The following JMJD1C variants were observed in gnomAD, a reference collection of about 807,000 sequenced individuals.
JMJD1C encodes jumonji domain-containing protein 1C.
A neutral mutation model predicts 245.3 loss-of-function variants in JMJD1C; 31 were observed. The ratio of observed to expected loss-of-function variants is 0.13; its 90% CI spans 0.09 to 0.17. JMJD1C has a LOEUF of 0.17. Ranked by LOEUF, JMJD1C falls within the 10% of genes least tolerant of loss-of-function variation. The pLI is 1.00. For missense variants in JMJD1C, 2,691 were observed against 3,000.2 expected, an observed-to-expected ratio of 0.90 and a Z score of 2.41; for synonymous variants, 1,057 against 1,017.4, an observed-to-expected ratio of 1.04 and a Z score of -0.74.
At chr10:63,337,377 C>G (rs1454444932) in intron 2 of JMJD1C, among the ~76,000 whole-genome samples, 1 of 137,480 alleles carries the variant, frequency 7.3e-6, no homozygotes, top group Non-Finnish European at 1.5e-5. Context: ...GGGAGGCAAA[C>G]CTTGCAGTGA....
intron 12 of JMJD1C, among the ~76,000 whole-genome samples, chr10:63,198,030 ACTATGTTAGG>A (rs1845640769): frequency 6.6e-6 from 1 of 152,270 alleles, no homozygotes. Context: ...TAGAGCATCT[ACTATGTTAGG>A]AACTATTAAG....
At chr10:63,204,263 G>A (rs1167529297) in intron 10 of JMJD1C, 3 of 985,192 alleles carry the variant, frequency 3.0e-6, no homozygotes, top group African/African-American at 1.7e-5. Context: ...TCATAAAACA[G>A]CCTCTCTAAA....
chr10:63,243,466 C>T (rs1008167086), intron 3 of JMJD1C, among the ~76,000 whole-genome samples: 4 of 152,166 alleles, frequency 2.6e-5, no homozygotes, highest in South Asian at 2.1e-4. Context: ...GCGGAAGTTG[C>T]GCTGAGCCGA....
At chr10:63,229,228 T>G (rs558949049) in intron 3 of JMJD1C, among the ~76,000 whole-genome samples, 1 of 152,144 alleles carries the variant, frequency 6.6e-6, no homozygotes, top group Non-Finnish European at 1.5e-5. Flanking sequence ...GGTAATTAAG[T>G]CTCCGTATAC....
chr10:63,255,146 C>T (rs1589297738), intron 3 of JMJD1C, among the ~76,000 whole-genome samples: 1 of 152,176 alleles, frequency 6.6e-6, no homozygotes, highest in African/African-American at 2.4e-5. Context: ...ATACCCAACA[C>T]AGGTTCTTTT....
At chr10:63,416,474 T>TA (rs1054015570) in intron 1 of JMJD1C, among the ~76,000 whole-genome samples, 47 of 152,132 alleles carry the variant, frequency 3.1e-4, no homozygotes, top group African/African-American at 1.1e-3. Context: ...TGTGATATTA[T>TA]AAAAAAATAA....
At chr10:63,453,037 G>A (rs982541267) in intron 1 of JMJD1C, among the ~76,000 whole-genome samples, 3 of 152,194 alleles carry the variant, frequency 2.0e-5, no homozygotes, top group African/African-American at 7.2e-5. Flanking sequence ...CACTTTGGGA[G>A]GCTGAGGCAG....
At chr10:63,172,817 CT>C (rs1842498164) in intron 24 of JMJD1C, among the ~76,000 whole-genome samples, 1 of 149,188 alleles carries the variant, frequency 6.7e-6, no homozygotes, top group Non-Finnish European at 1.5e-5. Flanking sequence ...CACAAAAACC[CT>C]GGGGGAGGGG....
At chr10:63,521,648 A>G in intron 1 of JMJD1C, 2 of 1,191,382 alleles carry the variant, frequency 1.7e-6, no homozygotes, top group Non-Finnish European at 2.2e-6. Context: ...GAAGGAGCCG[A>G]GAGGAAAGGG....
chr10:63,168,617 A>G, intron 24 of JMJD1C, 51 bp from the exon 25 acceptor site: 5 of 1,488,744 alleles, frequency 3.4e-6, no homozygotes, highest in Non-Finnish European at 4.5e-6. Flanking sequence ...GGTGGAGCAA[A>G]GAAAAGCCAA....
intron 1 of JMJD1C, among the ~76,000 whole-genome samples, chr10:63,447,075 G>GA (rs11397244): frequency 0.95 from 138,163 of 145,456 alleles, 65,819 homozygotes; most frequent in South Asian, 1. Context: ...TTATAACCAG[G>GA]AAAAAAAAAA....
chr10:63,382,394 G>A (rs904269986), intron 1 of JMJD1C, among the ~76,000 whole-genome samples: 11 of 152,008 alleles, frequency 7.2e-5, no homozygotes, highest in Non-Finnish European at 1.3e-4. Flanking sequence ...GTACAAAGAT[G>A]GCTCAACATA....
At chr10:63,252,058 T>A (rs1044181630) in intron 3 of JMJD1C, among the ~76,000 whole-genome samples, 1 of 152,178 alleles carries the variant, frequency 6.6e-6, no homozygotes, top group Non-Finnish European at 1.5e-5. Flanking sequence ...TGTCTTAATC[T>A]ATACCTATCC....
intron 2 of JMJD1C, among the ~76,000 whole-genome samples, chr10:63,283,637 G>A (rs1416659071): frequency 6.6e-6 from 1 of 152,138 alleles, no homozygotes; most frequent in Non-Finnish European, 1.5e-5. Context: ...GAAGGGCTGG[G>A]ATTACAGGCG....
chr10:63,383,896 A>T (rs1054174749), intron 1 of JMJD1C, among the ~76,000 whole-genome samples: 2 of 152,082 alleles, frequency 1.3e-5, no homozygotes, highest in African/African-American at 4.8e-5. Flanking sequence ...CAATTTCTTA[A>T]AATAAGACAA....
intron 2 of JMJD1C, among the ~76,000 whole-genome samples, chr10:63,276,461 G>A (rs558939499): frequency 1.0e-4 from 10 of 98,606 alleles, no homozygotes; most frequent in South Asian, 8.3e-4. Context: ...GTGAGATTCC[G>A]TCTCAAAAAA....
intron 1 of JMJD1C, among the ~76,000 whole-genome samples, chr10:63,421,641 G>C (rs1388343187): frequency 1.3e-5 from 2 of 152,156 alleles, no homozygotes; most frequent in Non-Finnish European, 2.9e-5. Context: ...TGATGTGTCT[G>C]ACTATATTTG....
intron 3 of JMJD1C, among the ~76,000 whole-genome samples, chr10:63,237,780 C>T (rs929358592): frequency 9.2e-5 from 14 of 152,146 alleles, no homozygotes; most frequent in African/African-American, 3.4e-4. Context: ...ATGAGCACTT[C>T]CTTTGAGTGT....
intron 2 of JMJD1C, among the ~76,000 whole-genome samples, chr10:63,320,658 T>A (rs1035602624): frequency 6.6e-6 from 1 of 152,244 alleles, no homozygotes; most frequent in Non-Finnish European, 1.5e-5. Flanking sequence ...TGTGATAACA[T>A]GAAATATATA....
Sources: allele counts gnomAD v4.1 joint callset (sites outside exome capture counted in the v4.1 genomes callset), GRCh38; gene constraint gnomAD v4.1.1; transcripts MANE v1.5; gene names NCBI Gene and HGNC (gene_info 2026-07-23, HGNC 2026-07-21).